NAV2: variants seen among roughly 807,000 people sequenced by gnomAD.
NAV2 encodes the protein helicase, APC down-regulated 1.
A neutral mutation model predicts 223.2 loss-of-function variants in NAV2; 54 were observed. The observed-to-expected ratio is 0.24, with a 90% CI of 0.19 to 0.30. The LOEUF is 0.30. Ranked by LOEUF, NAV2 falls within the 10% of genes least tolerant of loss-of-function variation. The pLI is 1.00. For synonymous variants in NAV2, 1,279 were observed against 1,239.3 expected, an observed-to-expected ratio of 1.03 and a Z score of -0.67; for missense variants, 2,806 against 3,147.5, an observed-to-expected ratio of 0.89 and a Z score of 2.60.
chr11:19,613,074 C>G (rs2046688512), intron 1 of NAV2, among the ~76,000 whole-genome samples: 1 of 152,072 alleles, frequency 6.6e-6, no homozygotes, highest in African/African-American at 2.4e-5. Context: ...CCTGATAAAC[C>G]CATCAGATCT....
chr11:19,668,532 CAAAAAAAAAA>C (rs762975832), intron 1 of NAV2, among the ~76,000 whole-genome samples: 1 of 64,890 alleles, frequency 1.5e-5, no homozygotes, highest in Non-Finnish European at 2.6e-5. Flanking sequence ...GACTCGGTCT[CAAAAAAAAAA>C]AAAAAAAAAA....
chr11:19,443,953 C>T (rs10833112), intron 1 of NAV2, among the ~76,000 whole-genome samples: 41,362 of 151,896 alleles, frequency 0.27, 5,975 homozygotes, highest in East Asian at 0.54. Flanking sequence ...TTTTTTGAGA[C>T]GGAGTCTTGT....
At chr11:19,606,841 A>G (rs2046486063) in intron 1 of NAV2, among the ~76,000 whole-genome samples, 1 of 152,212 alleles carries the variant, frequency 6.6e-6, no homozygotes, top group Non-Finnish European at 1.5e-5. Context: ...TTGCAATCCC[A>G]AAGGCAGGCC....
chr11:19,911,494 T>C lies in NAV2; in HGVS notation c.931+18900T>C, dbSNP rs1028394153. Among the ~76,000 whole-genome samples, 92 of 152,166 alleles carry C rather than the reference T, an allele frequency of 6.0e-4. 3 individuals are homozygous for C. Among genetic ancestry groups the C allele is most frequent in the East Asian group, 1.9e-4 (1 of 5,192 alleles). ...GACTCTCTCAATTCTACCCAGCAAA[T>C]TGGTGCTAGACTCCAAGTTTTGTGA... On this transcript the variant is annotated intron_variant, in intron 6 of 37. Coordinates refer to ENST00000349880, the MANE Select transcript of NAV2 (RefSeq NM_145117.5).
chr11:19,653,542 T>C (rs1476493950), intron 1 of NAV2, among the ~76,000 whole-genome samples: 1 of 152,172 alleles, frequency 6.6e-6, no homozygotes. Context: ...CAAAGACGTG[T>C]AGACAGGCAG....
intron 1 of NAV2, among the ~76,000 whole-genome samples, chr11:19,385,753 C>CTTTTTTTTTTTTTTTTTTTTTTTT (rs201669772): frequency 5.3e-5 from 6 of 112,778 alleles, no homozygotes; most frequent in Admixed American, 9.0e-5. Flanking sequence ...AATATAGCTC[C>CTTTTTTTTTTTTTTTTTTTTTTTT]TTTTTTTTTT....
At chr11:20,060,658 TC>T (rs570712132) in intron 19 of NAV2, among the ~76,000 whole-genome samples, 92 of 152,256 alleles carry the variant, frequency 6.0e-4, no homozygotes, top group African/African-American at 2.1e-3. Context: ...GAGGAAGCCC[TC>T]CCAGGTGGCA....
intron 11 of NAV2, among the ~76,000 whole-genome samples, chr11:19,997,086 T>C (rs1331997179): frequency 5.9e-5 from 9 of 151,898 alleles, no homozygotes; most frequent in Admixed American, 5.2e-4. Context: ...TGCCTGGACA[T>C]TGCTTGTGGG....
chr11:19,596,282 T>C (rs2046205205), intron 1 of NAV2, among the ~76,000 whole-genome samples: 1 of 152,198 alleles, frequency 6.6e-6, no homozygotes, highest in Admixed American at 6.5e-5. Context: ...TACAGAGGCC[T>C]GGCTGAACCT....
chr11:19,375,633 C>T (rs147472711), intron 1 of NAV2, among the ~76,000 whole-genome samples: 463 of 152,308 alleles, frequency 3.0e-3, no homozygotes, highest in Non-Finnish European at 4.6e-3. Context: ...TCACTGGATG[C>T]TGTGGCTCGG....
intron 1 of NAV2, among the ~76,000 whole-genome samples, chr11:19,392,876 T>A (rs149282443): frequency 3.5e-4 from 53 of 152,300 alleles, no homozygotes; most frequent in Non-Finnish European, 6.2e-4. Context: ...TATGTTATCT[T>A]TCTTATTTAC....
intron 10 of NAV2, among the ~76,000 whole-genome samples, chr11:19,958,875 T>G (rs1271342452): frequency 1.3e-5 from 2 of 152,218 alleles, no homozygotes; most frequent in African/African-American, 2.4e-5. Flanking sequence ...TGGGAGGCAG[T>G]GGGCTCAGGT....
At chr11:19,868,236 A>T (rs2062218667) in intron 3 of NAV2, among the ~76,000 whole-genome samples, 1 of 152,142 alleles carries the variant, frequency 6.6e-6, no homozygotes, top group Non-Finnish European at 1.5e-5. Flanking sequence ...TTTCCTTTAA[A>T]CCAAAAAACA....
intron 20 of NAV2, among the ~76,000 whole-genome samples, chr11:20,064,770 A>C (rs992776190): frequency 6.6e-6 from 1 of 152,214 alleles, no homozygotes; most frequent in Non-Finnish European, 1.5e-5. Flanking sequence ...AAGACCTAAT[A>C]ATAATACTTT....
intron 1 of NAV2, among the ~76,000 whole-genome samples, chr11:19,358,727 G>T (rs1396550290): frequency 6.6e-6 from 1 of 152,124 alleles, no homozygotes; most frequent in Non-Finnish European, 1.5e-5. Context: ...GGTGAGTAAG[G>T]TTCCTTCAGA....
chr11:19,933,622 A>G lies in NAV2; in HGVS notation c.1378A>G (p.Lys460Glu). ...TTVGPASSSP[K>E]IALKGIAQRT... ...CGTGGGCCCTGCTTCCAGCAGCCCC[A>G]AGATTGCACTCAAGGGCATTGCCCA... The change falls in exon 7 of 38, where the codon AAG becomes GAG. Residue 460 changes from lysine (K) to glutamate (E), a missense_variant. Around this residue, in one of 4 missense-constraint regions of NAV2, gnomAD observed 1,167 missense variants for 1,180.5 expected, o/e 0.99. Transcript: ENST00000349880. The surrounding 1 kb of genome is among the most constrained non-coding windows in gnomAD (Gnocchi z 4.3). 2 of 1,614,168 alleles carry G rather than the reference A, an allele frequency of 1.2e-6. No homozygotes were observed. Among genetic ancestry groups the G allele is most frequent in the East Asian group, 2.2e-5 (1 of 44,872 alleles).
At chr11:19,715,995 A>G (rs1306136008) in intron 1 of NAV2, among the ~76,000 whole-genome samples, 1 of 152,162 alleles carries the variant, frequency 6.6e-6, no homozygotes, top group Non-Finnish European at 1.5e-5. Flanking sequence ...GATTTTGGCC[A>G]ATGGGATTTT....
intron 1 of NAV2, among the ~76,000 whole-genome samples, chr11:19,705,151 G>A (rs1354116883): frequency 2.0e-5 from 3 of 151,116 alleles, no homozygotes; most frequent in Non-Finnish European, 4.4e-5. Flanking sequence ...AAAGTGGGTG[G>A]AGAATTAAAA....
At chr11:19,621,542 T>A (rs1041526091) in intron 1 of NAV2, among the ~76,000 whole-genome samples, 2 of 152,264 alleles carry the variant, frequency 1.3e-5, no homozygotes, top group African/African-American at 4.8e-5. Context: ...TTTATTTGCA[T>A]AGAGGTGTTC....
Sources: gnomAD v4.1 joint callset for allele counts (sites outside exome capture counted in the v4.1 genomes callset) on GRCh38, gnomAD v4.1.1 for gene constraint, gnomAD v4.1.1 regional missense constraint, Gnocchi (gnomAD v3.1) non-coding constraint, MANE v1.5 for transcripts, NCBI Gene and HGNC (gene_info 2026-07-23, HGNC 2026-07-21) for gene names.